The following SPTBN4 variants were observed in gnomAD, a reference collection of about 807,000 sequenced individuals.
The protein encoded by SPTBN4 is spectrin beta, non-erythrocytic 4, also known as spectrin beta chain, non-erythrocytic 4.
SPTBN4 carries 96 observed loss-of-function variants against 277.8 expected under a neutral mutation model. The ratio of observed to expected loss-of-function variants is 0.35; its 90% CI spans 0.29 to 0.41. The LOEUF (loss-of-function observed/expected upper bound fraction) is 0.41, where lower values mean the gene tolerates loss of function less well. Ranked by LOEUF, SPTBN4 falls within the 10% of genes least tolerant of loss-of-function variation. The probability of loss-of-function intolerance (pLI) is 1.00; values close to 1 mark genes in which losing one functional copy is unlikely to be tolerated. For synonymous variants in SPTBN4, 1,481 were observed against 1,580.3 expected (o/e 0.94, Z 1.49); for missense variants, 3,006 against 3,595.7 (o/e 0.84, Z 4.19).
In SPTBN4 at chr19:40,491,044, G is replaced by GA. The variant is rs111830423; in HGVS notation, c.495+805dup. On this transcript the variant is annotated intron_variant, in intron 4 of 35. Transcript: ENST00000598249. ...ACAACAGTGAGACCATGACTTAAAA[G>GA]AAAAAAAAAGCTACCCAGAAAAATA... 4.0e-5 allele frequency among the ~76,000 whole-genome samples: 6 copies of GA among 149,762 alleles called. No individual in the cohort carries two copies. In the East Asian group the frequency reaches 5.9e-4, roughly 15 times the overall value.
chr19:40,522,435 C>T (rs1485037448), intron 16 of SPTBN4, among the ~76,000 whole-genome samples: 1 of 151,290 alleles, frequency 6.6e-6, no homozygotes, highest in East Asian at 1.9e-4. Flanking sequence ...ACTGCACCTC[C>T]TCCGCCTTCT....
At chr19:40,572,512 GC>G in intron 35 of SPTBN4, 132 bp downstream of exon 35, 1 of 1,196,424 alleles carries the variant, frequency 8.4e-7, no homozygotes, top group Admixed American at 1.9e-5. Flanking sequence ...TAATGGGAAA[GC>G]CCACAGGCAC....
intron 7 of SPTBN4, among the ~76,000 whole-genome samples, chr19:40,499,343 T>C (rs2080238410): frequency 6.6e-6 from 1 of 151,908 alleles, no homozygotes; most frequent in South Asian, 2.1e-4. Flanking sequence ...CCTGGCTTAC[T>C]TATTTATTTT....
chr19:40,562,171 C>T (rs2081049045), intron 27 of SPTBN4, among the ~76,000 whole-genome samples: 2 of 152,074 alleles, frequency 1.3e-5, no homozygotes, highest in African/African-American at 4.8e-5. Flanking sequence ...AGCATGCCTT[C>T]TCTATGAGGA....
At chr19:40,506,134 G>A in intron 12 of SPTBN4, 102 bp from the exon 13 acceptor site, 1 of 1,444,132 alleles carries the variant, frequency 6.9e-7, no homozygotes, top group Non-Finnish European at 9.3e-7. Context: ...TCAGAGTCGG[G>A]AGTGATGGTG....
In SPTBN4 at chr19:40,572,119, C is replaced by G; in HGVS notation, c.7420C>G (p.Leu2474Val). The G allele has an allele frequency of 1.2e-6, 2 of 1,612,546 alleles. No homozygotes were observed. Among genetic ancestry groups the G allele is most frequent in the Non-Finnish European group, 1.7e-6 (2 of 1,179,292 alleles). Residue 2474 changes from leucine to valine, a missense_variant, in exon 34 of 36, where the codon CTG becomes GTG. This residue lies in a region of SPTBN4 where 630 missense variants were observed against 677.6 expected (regional missense o/e 0.93). Coordinates refer to ENST00000598249, the MANE Select transcript of SPTBN4 (RefSeq NM_020971.3). ...ASGSTHGGEP[L>V]LSLHKATSEV... The stretch of plus-strand genomic sequence containing the variant: ...CGGGAGCACACACGGTGGGGAACCG[C>G]TGCTCAGCCTGCACAAGGCCACCAG...
intron 20 of SPTBN4, among the ~76,000 whole-genome samples, chr19:40,545,081 T>A (rs866299881): frequency 7.3e-5 from 11 of 151,702 alleles, no homozygotes; most frequent in East Asian, 1.9e-4. Flanking sequence ...CTTAAAAAAA[T>A]TTTTATTATT....
intron 1 of SPTBN4, among the ~76,000 whole-genome samples, chr19:40,471,812 C>T (rs2079886786): frequency 6.6e-6 from 1 of 151,982 alleles, no homozygotes; most frequent in Admixed American, 6.6e-5. Flanking sequence ...TATCTTGGCT[C>T]ACTGCAACCT....
intron 30 of SPTBN4, chr19:40,567,102 T>G (rs2081100623): frequency 2.2e-6 from 1 of 454,788 alleles, no homozygotes; most frequent in Admixed American, 2.4e-5. Context: ...GGCAACATAC[T>G]GAGAAGCCGT....
intron 35 of SPTBN4, among the ~76,000 whole-genome samples, chr19:40,574,081 G>A (rs750874995): frequency 8.6e-5 from 13 of 151,906 alleles, no homozygotes; most frequent in African/African-American, 2.2e-4. Context: ...CAGCCTGAGC[G>A]ACAGAGCGAG....
chr19:40,518,764 G>C (rs983479638), intron 15 of SPTBN4, among the ~76,000 whole-genome samples: 1 of 152,068 alleles, frequency 6.6e-6, no homozygotes, highest in African/African-American at 2.4e-5. Flanking sequence ...CAATACACTG[G>C]GAGTGGTGCG....
chr19:40,569,399 C>G (rs2081127544), intron 31 of SPTBN4, among the ~76,000 whole-genome samples: 1 of 148,990 alleles, frequency 6.7e-6, no homozygotes, highest in Admixed American at 6.7e-5. Flanking sequence ...TACACTCCAG[C>G]CTGGGCAACA....
chr19:40,554,056 G>C lies in SPTBN4; in HGVS notation c.4675-91G>C, dbSNP rs374237190. 20 of 1,275,820 alleles carry C rather than the reference G, an allele frequency of 1.6e-5. No homozygotes were observed. The highest frequency in any genetic ancestry group is 1.1e-5 in the Non-Finnish European group (11 of 983,636). The allele number at this position is 1,275,820 out of a possible 1,614,324, so 79.0% of individuals were successfully genotyped here. ...GCTGGGGGTGCTTGTTAATTGCCCCGTGGGCCGTGCCAGTAGCAGAGGAGC... is the reference window on the plus strand; with the variant it reads ...GCTGGGGGTGCTTGTTAATTGCCCCCTGGGCCGTGCCAGTAGCAGAGGAGC... On this transcript the variant is annotated intron_variant, in intron 22 of 35. Coordinates refer to ENST00000598249, the MANE Select transcript of SPTBN4 (RefSeq NM_020971.3). This position sits in a 1 kb window ranked among gnomAD's most constrained non-coding sequence, Gnocchi z 5.7.
At chr19:40,468,916 T>C (rs2079854587) in intron 1 of SPTBN4, among the ~76,000 whole-genome samples, 2 of 152,070 alleles carry the variant, frequency 1.3e-5, no homozygotes, top group Admixed American at 6.6e-5. Flanking sequence ...CTGAGCAACA[T>C]AGTGAGACCC....
chr19:40,474,657 T>C (rs556021947), intron 2 of SPTBN4, among the ~76,000 whole-genome samples: 2 of 152,108 alleles, frequency 1.3e-5, no homozygotes, highest in South Asian at 4.2e-4. Flanking sequence ...CCCAGCACTT[T>C]GGGAGGCTGA....
chr19:40,472,830 G>C, intron 2 of SPTBN4, 40 bp downstream of exon 2: 3 of 1,098,096 alleles, frequency 2.7e-6, no homozygotes, highest in Non-Finnish European at 3.8e-6. Context: ...GGAGGAGGGG[G>C]AAGGGGGAAG....
At chr19:40,506,769 G>A (rs190096926) in intron 13 of SPTBN4, among the ~76,000 whole-genome samples, 4 of 152,240 alleles carry the variant, frequency 2.6e-5, no homozygotes, top group Admixed American at 2.0e-4. Context: ...CTTGAGCCCA[G>A]GAATTCAAGA....
chr19:40,535,003 G>C (rs1163336151), intron 20 of SPTBN4: 1 of 152,276 alleles, frequency 6.6e-6, no homozygotes, highest in Non-Finnish European at 1.5e-5. Context: ...ACCTCCCAGG[G>C]AGTAATGGCT....
At chr19:40,559,161 C>A (rs1458560981) in intron 26 of SPTBN4, among the ~76,000 whole-genome samples, 1 of 151,988 alleles carries the variant, frequency 6.6e-6, no homozygotes, top group African/African-American at 2.4e-5. Flanking sequence ...AACTCCTGAC[C>A]TCAAGTGATC....
Sources: gnomAD v4.1 joint callset for allele counts (sites outside exome capture counted in the v4.1 genomes callset) on GRCh38, gnomAD v4.1.1 for gene constraint, gnomAD v4.1.1 regional missense constraint, Gnocchi (gnomAD v3.1) non-coding constraint, MANE v1.5 for transcripts, NCBI Gene and HGNC (gene_info 2026-07-23, HGNC 2026-07-21) for gene names.